PTPN4: variants seen among roughly 807,000 people sequenced by gnomAD.
PTPN4 encodes the protein protein tyrosine phosphatase non-receptor type 4, also known as tyrosine-protein phosphatase non-receptor type 4.
A neutral mutation model predicts 135.5 loss-of-function variants in PTPN4; 49 were observed. The observed-to-expected ratio is 0.36, with a 90% CI of 0.29 to 0.46. The LOEUF (loss-of-function observed/expected upper bound fraction) is 0.46, where lower values mean the gene tolerates loss of function less well. Among genes scored for constraint, PTPN4 ranks in the 20% least tolerant of loss-of-function variants. The pLI is 1.00. For missense variants in PTPN4, 860 were observed against 1,101.0 expected (o/e 0.78, Z 3.10); for synonymous variants, 333 against 369.9 (o/e 0.90, Z 1.14).
chr2:119,862,531 T>A lies in PTPN4; in HGVS notation c.139-5T>A. The stretch of plus-strand genomic sequence containing the variant: ...ATTTCATTCAATTTTTTTTTTTTTT[T>A]ACAGAAACATGATCAGGGGCAAGTC... On this transcript the variant is annotated splice_polypyrimidine_tract_variant and splice_region_variant and intron_variant, in intron 2 of 26. Coordinates refer to ENST00000263708, the MANE Select transcript of PTPN4 (RefSeq NM_002830.4). The A allele has an allele frequency of 6.3e-7, 1 of 1,586,006 alleles. No individual in the cohort carries two copies. Among genetic ancestry groups the A allele is most frequent in the Non-Finnish European group, 8.6e-7 (1 of 1,164,034 alleles).
chr2:119,848,179 C>CTTT (rs560299244), intron 2 of PTPN4, among the ~76,000 whole-genome samples: 1 of 138,812 alleles, frequency 7.2e-6, no homozygotes, highest in South Asian at 2.3e-4. Context: ...TTTTCTTTTT[C>CTTT]TTTTTTTTTT....
rs1018388021 is a variant in PTPN4 at position 119,881,530 on chromosome 2, C to T, written c.369-256C>T. On this transcript the variant is annotated intron_variant, in intron 5 of 26. Coordinates refer to ENST00000263708, the MANE Select transcript of PTPN4 (RefSeq NM_002830.4). ...CCTCTGTCATGTAACTATTTGAAATCTTGAGGGCTTCTATAATGGAAGCTA... is the reference window on the plus strand; with the variant it reads ...CCTCTGTCATGTAACTATTTGAAATTTTGAGGGCTTCTATAATGGAAGCTA... Among the ~76,000 whole-genome samples the T allele has an allele frequency of 2.0e-5, 3 of 152,156 alleles. 1 individual carries two copies. The highest frequency in any genetic ancestry group is 2.0e-4 in the Admixed American group (3 of 15,284).
intron 2 of PTPN4, among the ~76,000 whole-genome samples, chr2:119,842,766 C>G (rs1161028420): frequency 1.3e-5 from 2 of 152,196 alleles, no homozygotes; most frequent in Non-Finnish European, 2.9e-5. Context: ...AACATCTTCT[C>G]TAACTGTGGT....
chr2:119,865,113 T>G (rs1677813428), intron 3 of PTPN4, among the ~76,000 whole-genome samples: 1 of 152,142 alleles, frequency 6.6e-6, no homozygotes, highest in South Asian at 2.1e-4. Flanking sequence ...GAAGAATTTC[T>G]GAGATGCCAA....
chr2:119,925,380 T>G (rs1678808494), intron 12 of PTPN4, among the ~76,000 whole-genome samples: 1 of 152,242 alleles, frequency 6.6e-6, no homozygotes, highest in East Asian at 1.9e-4. Flanking sequence ...CATTAAATTG[T>G]ATATACATAA....
chr2:119,832,436 T>C (rs904132405), intron 2 of PTPN4, among the ~76,000 whole-genome samples: 56 of 152,106 alleles, frequency 3.7e-4, no homozygotes, highest in African/African-American at 1.3e-3. Flanking sequence ...GTCAGATTTA[T>C]TTACTTGTTT....
chr2:119,946,921 A>G (rs1679142907), intron 18 of PTPN4, among the ~76,000 whole-genome samples: 1 of 152,182 alleles, frequency 6.6e-6, no homozygotes, highest in African/African-American at 2.4e-5. Context: ...TAATTTAAGT[A>G]CATTATACTT....
intron 1 of PTPN4, among the ~76,000 whole-genome samples, chr2:119,772,538 A>G (rs1293046179): frequency 6.6e-6 from 1 of 152,046 alleles, no homozygotes; most frequent in African/African-American, 2.4e-5. Context: ...AAGAAATTTT[A>G]TTTTATTTTT....
intron 1 of PTPN4, among the ~76,000 whole-genome samples, chr2:119,770,117 C>G (rs1290163562): frequency 6.6e-6 from 1 of 152,168 alleles, no homozygotes; most frequent in African/African-American, 2.4e-5. Context: ...TGAGCACCAG[C>G]TAGGTACTAG....
intron 3 of PTPN4, among the ~76,000 whole-genome samples, chr2:119,876,612 A>G (rs1677986302): frequency 6.6e-6 from 1 of 151,936 alleles, no homozygotes; most frequent in South Asian, 2.1e-4. Context: ...ATTTTTTTTT[A>G]ATTGAAACAT....
chr2:119,946,027 C>T (rs1305667666), intron 16 of PTPN4, among the ~76,000 whole-genome samples: 1 of 152,068 alleles, frequency 6.6e-6, no homozygotes, highest in Non-Finnish European at 1.5e-5. Flanking sequence ...TATACTCATA[C>T]ATATGAACCT....
intron 1 of PTPN4, among the ~76,000 whole-genome samples, chr2:119,804,417 C>A (rs1275515862): frequency 2.6e-5 from 4 of 152,036 alleles, no homozygotes; most frequent in Non-Finnish European, 4.4e-5. Context: ...CTCCTAATAC[C>A]ATCCCTCTCC....
chr2:119,917,737 C>G (rs755791507), intron 11 of PTPN4, among the ~76,000 whole-genome samples: 21 of 151,514 alleles, frequency 1.4e-4, no homozygotes, highest in Non-Finnish European at 2.7e-4. Flanking sequence ...TCAAAAAAAA[C>G]AAAAGAAAAA....
At position 119,857,500 on chromosome 2, in the gene PTPN4, C is replaced by T. The variant is rs531106609; in HGVS notation, c.139-5036C>T. On this transcript the variant is annotated intron_variant, in intron 2 of 26. Coordinates refer to ENST00000263708, the MANE Select transcript of PTPN4 (RefSeq NM_002830.4). ...AGTGAGCCGAGATCACACCACTGCA[C>T]TCCAGCCTGGGTGACAGAGTGAGAC... Among the ~76,000 whole-genome samples the T allele has an allele frequency of 4.0e-4, 61 of 151,358 alleles. No homozygotes were observed. In the East Asian group the frequency reaches 7.1e-3, roughly 18 times the overall value.
chr2:119,827,021 C>G (rs528237306), intron 2 of PTPN4, among the ~76,000 whole-genome samples: 1 of 152,256 alleles, frequency 6.6e-6, no homozygotes, highest in African/African-American at 2.4e-5. Context: ...GAGTGAGACC[C>G]TATCTCTAAA....
chr2:119,885,717 A>T, intron 8 of PTPN4, 78 bp from the exon 9 acceptor site: 11 of 1,048,052 alleles, frequency 1.0e-5, no homozygotes, highest in Non-Finnish European at 1.1e-5. Flanking sequence ...TTTTCAGATA[A>T]ATAGCCTTTT....
At chr2:119,881,909 T>C (rs1461851004) in intron 6 of PTPN4, 79 bp downstream of exon 6, 1 of 1,192,894 alleles carries the variant, frequency 8.4e-7, no homozygotes, top group Non-Finnish European at 1.2e-6. Flanking sequence ...AAGTAATTCA[T>C]GGTCATTGCA....
chr2:119,920,029 C>T, intron 11 of PTPN4, 40 bp from the exon 12 acceptor site: 1 of 1,565,170 alleles, frequency 6.4e-7, no homozygotes, highest in Non-Finnish European at 8.6e-7. Context: ...TAGATCCTGA[C>T]ATTTTCCTGG....
chr2:119,830,225 T>A (rs533756448), intron 2 of PTPN4, among the ~76,000 whole-genome samples: 2 of 152,224 alleles, frequency 1.3e-5, no homozygotes, highest in South Asian at 4.1e-4. Context: ...GGGGTCCAAT[T>A]TATTCTTTTG....
Sources: allele counts gnomAD v4.1 joint callset (sites outside exome capture counted in the v4.1 genomes callset), GRCh38; gene constraint gnomAD v4.1.1; transcripts MANE v1.5; gene names NCBI Gene and HGNC (gene_info 2026-07-23, HGNC 2026-07-21).